The following IGF1R variants were observed in gnomAD, a reference collection of about 807,000 sequenced individuals.
IGF1R encodes insulin-like growth factor 1 receptor.
IGF1R carries 44 observed loss-of-function variants against 144.6 expected under a neutral mutation model. That is an observed-to-expected ratio of 0.30 (90% confidence interval 0.24 to 0.39). The LOEUF is 0.39. Among genes scored for constraint, IGF1R ranks in the 10% least tolerant of loss-of-function variants. The pLI is 1.00. For synonymous variants in IGF1R, 795 were observed against 722.8 expected (o/e 1.10, Z -1.60); for missense variants, 1,355 against 1,833.7 (o/e 0.74, Z 4.77).
intron 2 of IGF1R, among the ~76,000 whole-genome samples, chr15:98,773,438 C>T (rs938098410): frequency 2.0e-5 from 3 of 152,110 alleles, no homozygotes; most frequent in Non-Finnish European, 2.9e-5. Context: ...GCTTACCGCT[C>T]CAGACAAGGC....
intron 17 of IGF1R, among the ~76,000 whole-genome samples, chr15:98,938,045 G>C (rs911831049): frequency 6.6e-6 from 1 of 152,180 alleles, no homozygotes; most frequent in Non-Finnish European, 1.5e-5. Flanking sequence ...AACCAACCCA[G>C]AAGTACCGAG....
At chr15:98,811,230 G>T (rs1360521433) in intron 2 of IGF1R, among the ~76,000 whole-genome samples, 2 of 152,024 alleles carry the variant, frequency 1.3e-5, no homozygotes. Context: ...GAACCCAGGA[G>T]TTGGAGGTTG....
chr15:98,921,264 A>G (rs147041933), intron 10 of IGF1R, among the ~76,000 whole-genome samples: 1,605 of 152,120 alleles, frequency 0.011, 19 homozygotes, highest in African/African-American at 0.036. Context: ...ATTCTGTTTT[A>G]AGGTTTCTAG....
At chr15:98,865,548 A>G (rs1284602632) in intron 2 of IGF1R, among the ~76,000 whole-genome samples, 2 of 152,194 alleles carry the variant, frequency 1.3e-5, no homozygotes, top group Non-Finnish European at 2.9e-5. Flanking sequence ...GGCATGTGCT[A>G]AAGTGGATAG....
chr15:98,801,525 G>T (rs971521592), intron 2 of IGF1R, among the ~76,000 whole-genome samples: 2 of 152,214 alleles, frequency 1.3e-5, no homozygotes, highest in African/African-American at 4.8e-5. Context: ...TTTGAGGCCC[G>T]GAAGAGGCCT....
rs1295251079 is a variant in IGF1R at position 98,935,235 on chromosome 15, C to G, written c.3187-81C>G. ...CTGTGCTCAGACCAGGCCGCAGCAC[C>G]ACAGAGACAGTTCCAGACAACACAG... is the stretch of plus-strand genomic sequence containing the variant. On this transcript the variant is annotated intron_variant, in intron 16 of 20. Coordinates refer to ENST00000650285, the MANE Select transcript of IGF1R (RefSeq NM_000875.5). The surrounding 1 kb of genome is among the most constrained non-coding windows in gnomAD (Gnocchi z 4.2). 1.1e-5 allele frequency: 12 copies of G among 1,058,184 alleles called. No homozygotes were observed. The highest frequency in any genetic ancestry group is 1.6e-5 in the Non-Finnish European group (11 of 698,368). 65.5% of individuals were successfully genotyped at this position (1,058,184 alleles called of 1,614,324 possible).
chr15:98,951,531 C>T (rs894690941), intron 20 of IGF1R, among the ~76,000 whole-genome samples: 4 of 152,266 alleles, frequency 2.6e-5, no homozygotes, highest in Admixed American at 2.6e-4. Flanking sequence ...TCAGAGGTTT[C>T]TGAAGGCGAG....
intron 2 of IGF1R, among the ~76,000 whole-genome samples, chr15:98,798,788 G>T (rs1443141883): frequency 6.6e-6 from 1 of 152,062 alleles, no homozygotes; most frequent in African/African-American, 2.4e-5. Flanking sequence ...TGTTCTCTGT[G>T]TTGGAAAGTT....
At chr15:98,857,647 C>T (rs1386049866) in intron 2 of IGF1R, among the ~76,000 whole-genome samples, 1 of 152,198 alleles carries the variant, frequency 6.6e-6, no homozygotes, top group East Asian at 1.9e-4. Context: ...GTACAGGAGC[C>T]GCTAGCCACA....
Position 98,958,175 on chromosome 15 carries a change from C to T in IGF1R, c.*733C>T, listed in dbSNP as rs1272177510. On this transcript the variant is annotated 3_prime_UTR_variant, in exon 21 of 21. Coordinates refer to ENST00000650285, the MANE Select transcript of IGF1R (RefSeq NM_000875.5). ...ATCCGACTGCCCCTGCTGTGCTGCT[C>T]AAGGCCACAGGCACACAGGTCTCAT... 3 of 233,162 alleles carry T rather than the reference C, an allele frequency of 1.3e-5. No individual in the cohort carries two copies. The highest frequency in any genetic ancestry group is 4.4e-5 in the African/African-American group (2 of 45,300). 14.4% of individuals were successfully genotyped at this position (233,162 alleles called of 1,614,324 possible).
chr15:98,764,011 T>C (rs558345398), intron 2 of IGF1R, among the ~76,000 whole-genome samples: 2 of 152,332 alleles, frequency 1.3e-5, no homozygotes, highest in East Asian at 3.9e-4. Context: ...TTTTCAATTC[T>C]CTTGAAGAAA....
intron 2 of IGF1R, among the ~76,000 whole-genome samples, chr15:98,866,837 A>AT (rs2012476713): frequency 6.6e-6 from 1 of 152,244 alleles, no homozygotes. Context: ...TTTAAAAGTC[A>AT]TACTAAATGT....
intron 2 of IGF1R, among the ~76,000 whole-genome samples, chr15:98,838,936 G>T (rs929660745): frequency 1.3e-5 from 2 of 152,334 alleles, no homozygotes; most frequent in Middle Eastern, 3.4e-3. Context: ...AGCTTCAGTT[G>T]TCTGAGTCCC....
chr15:98,718,737 C>T (rs757274088), intron 2 of IGF1R, among the ~76,000 whole-genome samples: 65 of 151,988 alleles, frequency 4.3e-4, no homozygotes, highest in Non-Finnish European at 7.9e-4. Flanking sequence ...AAAGGGGGAA[C>T]AAAATAAAAG....
intron 2 of IGF1R, among the ~76,000 whole-genome samples, chr15:98,805,176 G>A (rs1017266290): frequency 1.3e-5 from 2 of 152,118 alleles, no homozygotes; most frequent in African/African-American, 2.4e-5. Context: ...CATTACAGGG[G>A]AGTCTTATAT....
At chr15:98,841,921 G>A (rs893851321) in intron 2 of IGF1R, among the ~76,000 whole-genome samples, 1 of 152,200 alleles carries the variant, frequency 6.6e-6, no homozygotes, top group African/African-American at 2.4e-5. Flanking sequence ...GGCCTCTCGA[G>A]GAGAACGGTT....
At chr15:98,788,034 ATCTCTCTC>A (rs33910472) in intron 2 of IGF1R, among the ~76,000 whole-genome samples, 1,885 of 133,784 alleles carry the variant, frequency 0.014, 32 homozygotes, top group Non-Finnish European at 0.016. Flanking sequence ...GTGGGTAGGG[ATCTCTCTC>A]TCTCTCTCTC....
At chr15:98,735,502 C>T (rs1433458627) in intron 2 of IGF1R, among the ~76,000 whole-genome samples, 1 of 152,262 alleles carries the variant, frequency 6.6e-6, no homozygotes, top group Non-Finnish European at 1.5e-5. Context: ...AGGTCTCTAG[C>T]CGTGATAGTG....
At chr15:98,669,009 C>T (rs958364991) in intron 1 of IGF1R, among the ~76,000 whole-genome samples, 1 of 152,162 alleles carries the variant, frequency 6.6e-6, no homozygotes, top group Non-Finnish European at 1.5e-5. Context: ...TAAATCTGAC[C>T]CTGCCATTAT....
Sources: gnomAD v4.1 joint callset for allele counts (sites outside exome capture counted in the v4.1 genomes callset) on GRCh38, gnomAD v4.1.1 for gene constraint, Gnocchi (gnomAD v3.1) non-coding constraint, MANE v1.5 for transcripts, NCBI Gene and HGNC (gene_info 2026-07-23, HGNC 2026-07-21) for gene names.